Variants in MUCL1 observed in about 807,000 individuals in gnomAD.
MUCL1 encodes the protein mucin-like protein 1.
In MUCL1, 11 loss-of-function variants were observed where a neutral mutation model predicts 9.2. That is an observed-to-expected ratio of 1.19 (90% CI 0.75 to 1.97). MUCL1 has a LOEUF of 1.97. Among genes scored for constraint, MUCL1 ranks in the 30% most tolerant of loss-of-function variants. The pLI is 0.00. For synonymous variants in MUCL1, 48 were observed against 40.5 expected (o/e 1.19, Z -0.71); for missense variants, 144 against 110.9 (o/e 1.30, Z -1.34).
rs137960749 is a variant in MUCL1 at position 54,847,215 on chromosome 12, C to T, written c.43+7768C>T. ...CATGTATCAAGAAGTAACCGAGTGC[C>T]GGGCACTCTTCTAAGTATTGTGAAA... On this transcript the variant is annotated intron_variant, in intron 1 of 3. Transcript: ENST00000546809. Among the ~76,000 whole-genome samples the T allele has an allele frequency of 2.4e-4, 36 of 152,266 alleles. No individual in the cohort carries two copies. In the Middle Eastern group the frequency reaches 0.01, roughly 43 times the overall value.
intron 1 of MUCL1, among the ~76,000 whole-genome samples, chr12:54,834,218 T>C (rs1470417545): frequency 3.3e-5 from 5 of 152,168 alleles, no homozygotes; most frequent in African/African-American, 2.4e-5. Context: ...ATTATTTAGA[T>C]ATATTCTCTA....
chr12:54,845,121 C>T (rs773140327), intron 1 of MUCL1, among the ~76,000 whole-genome samples: 1 of 152,176 alleles, frequency 6.6e-6, no homozygotes, highest in Non-Finnish European at 1.5e-5. Flanking sequence ...GGCCAGAATG[C>T]CCACACATGG....
At chr12:54,842,977 G>A (rs11171124) in intron 1 of MUCL1, among the ~76,000 whole-genome samples, 335 of 152,108 alleles carry the variant, frequency 2.2e-3, no homozygotes, top group African/African-American at 6.8e-3. Flanking sequence ...AAATATTCCC[G>A]CTGTGTTACA....
At chr12:54,852,270 C>T (rs1288136758), upstream of MUCL1, among the ~76,000 whole-genome samples, 1 of 152,146 alleles carries the variant, frequency 6.6e-6, no homozygotes, top group Non-Finnish European at 1.5e-5. Context: ...TACAAGGCTA[C>T]AATAACCAAA....
chr12:54,840,403 A>G (rs1959205061), intron 1 of MUCL1, among the ~76,000 whole-genome samples: 1 of 152,216 alleles, frequency 6.6e-6, no homozygotes, highest in Non-Finnish European at 1.5e-5. Flanking sequence ...TCCTTCCAGA[A>G]TGCTGTATTA....
chr12:54,848,205 C>A (rs1414155343), intron 1 of MUCL1, among the ~76,000 whole-genome samples: 1 of 151,876 alleles, frequency 6.6e-6, no homozygotes, highest in East Asian at 1.9e-4. Flanking sequence ...GGTTTTGGAC[C>A]AAGTTCCTGA....
At chr12:54,854,382 C>T (rs181943143), upstream of MUCL1, 1,977 of 550,060 alleles carry the variant, frequency 3.6e-3, 10 homozygotes, top group Non-Finnish European at 3.0e-3. Flanking sequence ...TCCAAAGGGC[C>T]CCTGGCTGTG....
chr12:54,833,152 G>A (rs559506805), intron 1 of MUCL1, among the ~76,000 whole-genome samples: 85 of 151,792 alleles, frequency 5.6e-4, no homozygotes, highest in African/African-American at 2.0e-3. Flanking sequence ...TTTTTCCTTG[G>A]CTTTTTATGT....
chr12:54,855,205 C>T (rs1195021140), intron 2 of MUCL1, 48 bp downstream of exon 2: 1 of 1,558,970 alleles, frequency 6.4e-7, no homozygotes, highest in South Asian at 1.1e-5. Context: ...AACCATTTTT[C>T]ACTTCCAGCC....
rs1868316805 is a variant in MUCL1, at chr12:54,858,377, T to A, written c.*135T>A. 8.9e-7 allele frequency: 1 copy of A among 1,127,248 alleles called. No individual in the cohort carries two copies. The highest frequency in any genetic ancestry group is 1.3e-6 in the Non-Finnish European group (1 of 766,766). 69.8% of individuals were successfully genotyped at this position (1,127,248 alleles called of 1,614,324 possible). A position where few individuals can be genotyped will look rare whatever the true frequency, so the allele number is the denominator to read the frequency against. ...TATTTTCTTTCAAATAAAAAATAACTATGAGCAACATAAAAATGGTATTTC... is the reference window on the plus strand; with the variant it reads ...TATTTTCTTTCAAATAAAAAATAACAATGAGCAACATAAAAATGGTATTTC... On this transcript the variant is annotated 3_prime_UTR_variant, in exon 4 of 4. Coordinates refer to ENST00000308796, the MANE Select transcript of MUCL1 (RefSeq NM_058173.3).
chr12:54,832,580 G>A (rs954906971), intron 1 of MUCL1, among the ~76,000 whole-genome samples: 6 of 152,036 alleles, frequency 3.9e-5, no homozygotes, highest in African/African-American at 7.2e-5. Flanking sequence ...ATGGTGGCCT[G>A]TGATCCTACT....
At position 54,858,257 on chromosome 12, in the gene MUCL1, G is replaced by A. The variant is rs772183799; in HGVS notation, c.*15G>A. 2 of 1,613,372 alleles carry A rather than the reference G, an allele frequency of 1.2e-6. No homozygotes were observed. Among genetic ancestry groups the A allele is most frequent in the Non-Finnish European group, 1.7e-6 (2 of 1,179,506 alleles). ...TGTGTCCCTGAGATGGAATCAGCTT[G>A]AGTCTTCTGCAATTGGTCACAACTA... On this transcript the variant is annotated 3_prime_UTR_variant, in exon 4 of 4. Transcript: ENST00000308796.
chr12:54,854,778 C>T (rs532133339), intron 1 of MUCL1, 138 bp downstream of exon 1: 14 of 718,486 alleles, frequency 1.9e-5, no homozygotes, highest in South Asian at 1.9e-4. Context: ...TTTGACTGAC[C>T]GTTCAAGATG....
chr12:54,838,292 A>C (rs1383024060), upstream of MUCL1, among the ~76,000 whole-genome samples: 1 of 152,192 alleles, frequency 6.6e-6, no homozygotes, highest in Non-Finnish European at 1.5e-5. Context: ...TCTGCTGAGA[A>C]GTCTGCTGTT....
chr12:54,838,302 T>C (rs997483209), upstream of MUCL1, among the ~76,000 whole-genome samples: 1 of 152,210 alleles, frequency 6.6e-6, no homozygotes, highest in African/African-American at 2.4e-5. Flanking sequence ...AGTCTGCTGT[T>C]AGTTTGATAT....
At chr12:54,846,166 G>A (rs1048523549) in intron 1 of MUCL1, among the ~76,000 whole-genome samples, 8 of 152,142 alleles carry the variant, frequency 5.3e-5, no homozygotes, top group African/African-American at 9.7e-5. Flanking sequence ...TGCCATAGGC[G>A]GAGGGTCCAT....
upstream of MUCL1, among the ~76,000 whole-genome samples, chr12:54,850,548 C>T (rs11171129): frequency 0.45 from 68,418 of 151,656 alleles, 16,446 homozygotes; most frequent in East Asian, 0.84. Flanking sequence ...TTTTCTTAAT[C>T]CAGTCTATCA....
upstream of MUCL1, among the ~76,000 whole-genome samples, chr12:54,850,247 G>A (rs1023500281): frequency 3.3e-5 from 5 of 151,772 alleles, no homozygotes; most frequent in Non-Finnish European, 7.4e-5. Context: ...GCCATGTTGG[G>A]GTGCTGCACC....
At chr12:54,853,753 C>A (rs527373865), upstream of MUCL1, among the ~76,000 whole-genome samples, 1 of 151,914 alleles carries the variant, frequency 6.6e-6, no homozygotes, top group Non-Finnish European at 1.5e-5. Flanking sequence ...CCTGCAAAAC[C>A]ATGTATTAAA....
Sources: gnomAD v4.1 joint callset for allele counts (sites outside exome capture counted in the v4.1 genomes callset) on GRCh38, gnomAD v4.1.1 for gene constraint, MANE v1.5 for transcripts, NCBI Gene and HGNC (gene_info 2026-07-23, HGNC 2026-07-21) for gene names.